The following ALPL variants were observed in gnomAD, a reference collection of about 807,000 sequenced individuals.
ALPL encodes alkaline phosphatase, biomineralization associated.
Under a neutral mutation model 51.3 loss-of-function variants are expected in ALPL, and 42 were observed. The ratio of observed to expected loss-of-function variants is 0.82; its 90% CI spans 0.64 to 1.06. ALPL has a LOEUF of 1.06. Among genes scored for constraint, ALPL ranks in the 50% least tolerant of loss-of-function variants. ALPL has a pLI of 0.00. For synonymous variants in ALPL, 279 were observed against 296.4 expected, an observed-to-expected ratio of 0.94 and a Z score of 0.60; for missense variants, 589 against 709.4, an observed-to-expected ratio of 0.83 and a Z score of 1.93.
Position 21,577,669 on chromosome 1 carries a change from C to T in ALPL, c.*21C>T. ...TCTGAGGGCCCAGGGCCCGGGCACCCACAAGCCCGTGACAGATGCCAACTT... is the reference window on the plus strand; with the variant it reads ...TCTGAGGGCCCAGGGCCCGGGCACCTACAAGCCCGTGACAGATGCCAACTT... On this transcript the variant is annotated 3_prime_UTR_variant, in exon 12 of 12. Transcript: ENST00000374840. The T allele has an allele frequency of 6.3e-7, 1 of 1,590,804 alleles. No individual in the cohort carries two copies. Among genetic ancestry groups the T allele is most frequent in the Non-Finnish European group, 8.5e-7 (1 of 1,175,970 alleles).
At chr1:21,523,697 A>G (rs758937087) in intron 1 of ALPL, among the ~76,000 whole-genome samples, 2 of 152,156 alleles carry the variant, frequency 1.3e-5, no homozygotes, top group African/African-American at 2.4e-5. Context: ...ACTGCCCAGG[A>G]CAAGCAGTAA....
At chr1:21,540,028 C>A (rs1644161703) in intron 1 of ALPL, among the ~76,000 whole-genome samples, 3 of 152,120 alleles carry the variant, frequency 2.0e-5, no homozygotes, top group Admixed American at 2.0e-4. Context: ...AGGGAGGCTC[C>A]CCCTGCAGAG....
At position 21,534,597 on chromosome 1, in the gene ALPL, G is replaced by A. The variant is rs1044840429; in HGVS notation, c.-104-19381G>A. Among the ~76,000 whole-genome samples, 7 of 152,298 alleles carry A rather than the reference G, an allele frequency of 4.6e-5. No individual in the cohort carries two copies. In the East Asian group the frequency reaches 1.2e-3, roughly 25 times the overall value. On this transcript the variant is annotated intron_variant, in intron 1 of 11. Transcript: ENST00000374840. Reference sequence around the variant, plus strand: ...AGGCCCAGAGGGCAGCTCTGGGGCTGAACTCTAGCCCCCCACCGCTGTCCC... The same window carrying A: ...AGGCCCAGAGGGCAGCTCTGGGGCTAAACTCTAGCCCCCCACCGCTGTCCC...
At chr1:21,574,784 A>G (rs1536934) in intron 9 of ALPL, 124,973 of 152,236 alleles carry the variant, frequency 0.82, 52,023 homozygotes, top group Non-Finnish European at 0.9. Context: ...CTTTGTGAGC[A>G]AGGCCAGGAT....
At chr1:21,576,267 A>ATGGG (rs1558557899) in intron 10 of ALPL, among the ~76,000 whole-genome samples, 1 of 37,716 alleles carries the variant, frequency 2.7e-5, no homozygotes, top group Non-Finnish European at 5.2e-5. Context: ...GGATGGATGG[A>ATGGG]TGGGTGGATG....
intron 1 of ALPL, among the ~76,000 whole-genome samples, chr1:21,511,363 C>A (rs1212700169): frequency 1.3e-5 from 2 of 152,218 alleles, no homozygotes; most frequent in Non-Finnish European, 2.9e-5. Context: ...TGTGCCTCGG[C>A]CTCCTCCCAT....
At chr1:21,537,084 G>C (rs1046000768) in intron 1 of ALPL, among the ~76,000 whole-genome samples, 5 of 152,084 alleles carry the variant, frequency 3.3e-5, no homozygotes, top group Middle Eastern at 3.4e-3. Context: ...TTTTAGTAGA[G>C]ACAGGGTTTC....
At chr1:21,570,098 T>A (rs1393965347) in intron 7 of ALPL, among the ~76,000 whole-genome samples, 1 of 152,234 alleles carries the variant, frequency 6.6e-6, no homozygotes, top group Non-Finnish European at 1.5e-5. Flanking sequence ...CCCTGGGCTC[T>A]ATCAGAATTC....
At chr1:21,530,635 G>A (rs1246318902) in intron 1 of ALPL, among the ~76,000 whole-genome samples, 2 of 152,164 alleles carry the variant, frequency 1.3e-5, no homozygotes, top group Middle Eastern at 3.2e-3. Flanking sequence ...GTGAGGAGAA[G>A]GGGCTATATG....
chr1:21,577,712 C>A lies in ALPL; in HGVS notation c.*64C>A, dbSNP rs565251838. 2.5e-5 allele frequency: 38 copies of A among 1,549,184 alleles called. No homozygotes were observed. The highest frequency in any genetic ancestry group is 7.0e-5 in the South Asian group (6 of 85,818). On this transcript the variant is annotated 3_prime_UTR_variant, in exon 12 of 12. Transcript: ENST00000374840. ...GCCAACTTCCCACACGGCAGCCCCC[C>A]CCTCAAGGGGCAGGGAGGTGGGGGC...
chr1:21,563,432 G>A, intron 5 of ALPL, 148 bp downstream of exon 5: 1 of 1,095,832 alleles, frequency 9.1e-7, no homozygotes, highest in Non-Finnish European at 1.3e-6. Flanking sequence ...ATATCCATGG[G>A]ATTCCTTCCG....
At chr1:21,530,925 C>T (rs1262265) in intron 1 of ALPL, among the ~76,000 whole-genome samples, 41,970 of 148,810 alleles carry the variant, frequency 0.28, 6,844 homozygotes, top group African/African-American at 0.44. Flanking sequence ...GGACCACAGG[C>T]GTGCACCACC....
intron 7 of ALPL, among the ~76,000 whole-genome samples, chr1:21,568,553 G>A (rs1223329347): frequency 1.3e-5 from 2 of 152,218 alleles, no homozygotes; most frequent in East Asian, 3.9e-4. Flanking sequence ...GCATGCGTGA[G>A]GCACAGAGGC....
chr1:21,515,947 C>T (rs1463057620), intron 1 of ALPL, among the ~76,000 whole-genome samples: 3 of 152,118 alleles, frequency 2.0e-5, no homozygotes, highest in Non-Finnish European at 4.4e-5. Flanking sequence ...GATCATGGCT[C>T]ACTACAGTGC....
At chr1:21,563,725 C>T (rs867288603) in intron 5 of ALPL, among the ~76,000 whole-genome samples, 1 of 152,184 alleles carries the variant, frequency 6.6e-6, no homozygotes, top group Non-Finnish European at 1.5e-5. Context: ...ATACAGGTGA[C>T]AGAGCCACAG....
rs2148184754 is a variant in ALPL, at chr1:21,573,771, C to T, written c.969C>T (p.Asn323=). ...TGGCCATCCAGATCCTGCGGAAGAA[C>T]CCCAAAGGCTTCTTCTTGCTGGTGG... ...VVVAIQILRK[N]PKGFFLLVEG... The change falls in exon 9 of 12, where the codon AAC becomes AAT. Residue 323 remains asparagine (N), a synonymous_variant. Coordinates refer to ENST00000374840, the MANE Select transcript of ALPL (RefSeq NM_000478.6). 6.2e-7 allele frequency: 1 copy of T among 1,614,176 alleles called. No homozygotes were observed. The highest frequency in any genetic ancestry group is 8.5e-7 in the Non-Finnish European group (1 of 1,180,038).
intron 1 of ALPL, among the ~76,000 whole-genome samples, chr1:21,539,248 GT>G (rs1408318857): frequency 2.0e-5 from 3 of 152,130 alleles, no homozygotes; most frequent in African/African-American, 7.2e-5. Flanking sequence ...CTGTGCTTCT[GT>G]TTTGTCATCT....
At chr1:21,552,813 T>A (rs1372701374) in intron 1 of ALPL, among the ~76,000 whole-genome samples, 1 of 152,242 alleles carries the variant, frequency 6.6e-6, no homozygotes, top group African/African-American at 2.4e-5. Context: ...ACAACACTTT[T>A]CTAACGGTAG....
chr1:21,542,100 C>A (rs900348213), intron 1 of ALPL, among the ~76,000 whole-genome samples: 3 of 152,238 alleles, frequency 2.0e-5, no homozygotes, highest in Non-Finnish European at 4.4e-5. Context: ...CAGTCCTGGC[C>A]AGCAAGGCTT....
Sources: allele counts gnomAD v4.1 joint callset (sites outside exome capture counted in the v4.1 genomes callset), GRCh38; gene constraint gnomAD v4.1.1; transcripts MANE v1.5; gene names NCBI Gene and HGNC (gene_info 2026-07-23, HGNC 2026-07-21).